MAD1L1: variants seen among roughly 807,000 people sequenced by gnomAD.
MAD1L1 encodes mitotic arrest deficient 1 like 1, also known as mitotic spindle assembly checkpoint protein MAD1.
In MAD1L1, 95 loss-of-function variants were observed where a neutral mutation model predicts 96.9. That is an observed-to-expected ratio of 0.98 (90% CI 0.83 to 1.16). The LOEUF (loss-of-function observed/expected upper bound fraction) is 1.16. MAD1L1 is among the 50% of genes most tolerant of loss of function. MAD1L1 has a pLI of 0.00. For missense variants in MAD1L1, 1,007 were observed against 954.4 expected, an observed-to-expected ratio of 1.06 and a Z score of -0.73; for synonymous variants, 473 against 396.6, an observed-to-expected ratio of 1.19 and a Z score of -2.29.
chr7:2,176,720 T>C (rs1033645540), intron 10 of MAD1L1, among the ~76,000 whole-genome samples: 6 of 152,052 alleles, frequency 3.9e-5, no homozygotes, highest in Non-Finnish European at 8.8e-5. Context: ...CTATACTGTC[T>C]CTATACACGA....
chr7:1,857,162 T>A (rs575055141), intron 18 of MAD1L1, among the ~76,000 whole-genome samples: 303 of 152,154 alleles, frequency 2.0e-3, no homozygotes, highest in Non-Finnish European at 2.6e-3. Flanking sequence ...AGAGCCACGG[T>A]TTCTTAGGCA....
intron 10 of MAD1L1, among the ~76,000 whole-genome samples, chr7:2,163,209 G>A (rs905251102): frequency 2.0e-5 from 3 of 152,222 alleles, no homozygotes; most frequent in East Asian, 1.9e-4. Context: ...AGGACTGAGT[G>A]AGCACCACAG....
chr7:1,930,851 C>T (rs904217654), intron 17 of MAD1L1, among the ~76,000 whole-genome samples: 10 of 152,264 alleles, frequency 6.6e-5, no homozygotes, highest in African/African-American at 2.4e-4. Context: ...TCACAACTTA[C>T]CCTGGTCTCT....
intron 12 of MAD1L1, among the ~76,000 whole-genome samples, chr7:2,054,406 T>C (rs750945260): frequency 1.6e-4 from 25 of 152,264 alleles, no homozygotes; most frequent in Non-Finnish European, 3.4e-4. Flanking sequence ...ATGCATTGTT[T>C]TGATTTCACC....
intron 11 of MAD1L1, among the ~76,000 whole-genome samples, chr7:2,147,446 T>C (rs1789365277): frequency 6.6e-6 from 1 of 152,206 alleles, no homozygotes; most frequent in African/African-American, 2.4e-5. Context: ...GAAGCCAGCA[T>C]ACAGACACAC....
chr7:2,226,235 C>T (rs553487117), intron 3 of MAD1L1, among the ~76,000 whole-genome samples: 1 of 152,352 alleles, frequency 6.6e-6, no homozygotes, highest in Admixed American at 6.5e-5. Flanking sequence ...TTAATTACAT[C>T]TGCACAATCC....
At chr7:2,032,907 G>C (rs1236017543) in intron 12 of MAD1L1, among the ~76,000 whole-genome samples, 3 of 152,228 alleles carry the variant, frequency 2.0e-5, no homozygotes, top group Admixed American at 1.3e-4. Context: ...TGCACACAGG[G>C]AGAGTGTGCA....
chr7:2,090,708 G>A (rs1786166352), intron 11 of MAD1L1, among the ~76,000 whole-genome samples: 2 of 152,242 alleles, frequency 1.3e-5, no homozygotes, highest in South Asian at 2.1e-4. Context: ...TGTTGAGGCT[G>A]GACTGGAGCT....
intron 18 of MAD1L1, among the ~76,000 whole-genome samples, chr7:1,830,110 A>C (rs1202368218): frequency 6.6e-6 from 1 of 152,228 alleles, no homozygotes; most frequent in African/African-American, 2.4e-5. Flanking sequence ...AGGGGCTTAC[A>C]CAACAGGCCA....
At chr7:2,102,857 C>A (rs1210904029) in intron 11 of MAD1L1, among the ~76,000 whole-genome samples, 1 of 152,222 alleles carries the variant, frequency 6.6e-6, no homozygotes, top group Non-Finnish European at 1.5e-5. Context: ...GCATGAGACG[C>A]ATCCTTGTCA....
At chr7:2,167,363 C>A (rs559005776) in intron 10 of MAD1L1, among the ~76,000 whole-genome samples, 49 of 151,556 alleles carry the variant, frequency 3.2e-4, no homozygotes, top group African/African-American at 1.1e-3. Context: ...CTGGCTAACA[C>A]GGTGAAACCC....
intron 11 of MAD1L1, among the ~76,000 whole-genome samples, chr7:2,070,906 C>T (rs188748433): frequency 1.8e-3 from 281 of 152,256 alleles, no homozygotes; most frequent in African/African-American, 6.3e-3. Context: ...TGACAGATGG[C>T]GCTTTCTTGG....
At chr7:1,923,508 C>T (rs574564884) in intron 17 of MAD1L1, among the ~76,000 whole-genome samples, 2 of 152,388 alleles carry the variant, frequency 1.3e-5, no homozygotes, top group South Asian at 2.1e-4. Flanking sequence ...CGCGCTCTTC[C>T]GCCCCGGCAC....
At chr7:2,125,037 G>C (rs1389755282) in intron 11 of MAD1L1, among the ~76,000 whole-genome samples, 1 of 152,162 alleles carries the variant, frequency 6.6e-6, no homozygotes, top group East Asian at 1.9e-4. Flanking sequence ...CCCCTTCCCT[G>C]CTGGGCTCCC....
intron 10 of MAD1L1, among the ~76,000 whole-genome samples, chr7:2,170,312 G>C (rs1263679824): frequency 6.6e-6 from 1 of 152,228 alleles, no homozygotes; most frequent in East Asian, 1.9e-4. Flanking sequence ...ATTGGCCCCA[G>C]GCAACCTGCA....
At chr7:2,117,008 G>A (rs534558655) in intron 11 of MAD1L1, among the ~76,000 whole-genome samples, 1 of 152,206 alleles carries the variant, frequency 6.6e-6, no homozygotes. Flanking sequence ...ACCCGACCTT[G>A]GGGAGCTCCC....
chr7:1,876,967 T>A lies in MAD1L1; in HGVS notation c.1998+21233A>T, dbSNP rs966968544. Among the ~76,000 whole-genome samples the A allele has an allele frequency of 3.2e-4, 42 of 132,606 alleles. 3 individuals carry two copies. Among genetic ancestry groups the A allele is most frequent in the Non-Finnish European group, 6.6e-4 (39 of 59,518 alleles). 87.0% of individuals were successfully genotyped at this position (132,606 alleles called of 152,430 possible). A position where few individuals can be genotyped will look rare whatever the true frequency, so the allele number is the denominator to read the frequency against. On this transcript the variant is annotated intron_variant, in intron 18 of 18. Transcript: ENST00000265854. ...CTGCCAGAAGCAGTAAATATGTGAA[T>A]ACAGTTCACGTATTTAAATAGGTGA...
At position 1,816,065 on chromosome 7, in the gene MAD1L1, G is replaced by C; in HGVS notation, c.*5C>G. The C allele has an allele frequency of 6.2e-7, 1 of 1,606,334 alleles. No individual in the cohort carries two copies. Among genetic ancestry groups the C allele is most frequent in the Admixed American group, 1.7e-5 (1 of 59,694 alleles). ...TGGCTCCGGCTATGCCCCCGAGCCT[G>C]CAGGCTACGCCACGGTCTGGCGGCT... On this transcript the variant is annotated 3_prime_UTR_variant, in exon 19 of 19. Coordinates refer to ENST00000265854, the MANE Select transcript of MAD1L1 (RefSeq NM_001013836.2).
At chr7:1,898,100 G>T in intron 18 of MAD1L1, 100 bp downstream of exon 18, 3 of 1,264,140 alleles carry the variant, frequency 2.4e-6, no homozygotes, top group Non-Finnish European at 3.3e-6. Flanking sequence ...CATCCCCTTT[G>T]GACGCGAGGC....
Sources: allele counts gnomAD v4.1 joint callset (sites outside exome capture counted in the v4.1 genomes callset), GRCh38; gene constraint gnomAD v4.1.1; transcripts MANE v1.5; gene names NCBI Gene and HGNC (gene_info 2026-07-23, HGNC 2026-07-21).